The following MAP2K5 variants were observed in gnomAD, a reference collection of about 807,000 sequenced individuals.
MAP2K5 encodes dual specificity mitogen-activated protein kinase kinase 5.
Under a neutral mutation model 83.1 loss-of-function variants are expected in MAP2K5, and 49 were observed. That is an observed-to-expected ratio of 0.59 (90% CI 0.47 to 0.75). The LOEUF (loss-of-function observed/expected upper bound fraction) is 0.75. Among genes scored for constraint, MAP2K5 ranks in the 30% least tolerant of loss-of-function variants. The pLI is 0.00. For missense variants in MAP2K5, 457 were observed against 557.5 expected (o/e 0.82, Z 1.82); for synonymous variants, 202 against 191.8 (o/e 1.05, Z -0.44).
At chr15:67,664,513 A>G in intron 12 of MAP2K5, 84 bp from the exon 13 acceptor site, 2 of 897,366 alleles carry the variant, frequency 2.2e-6, no homozygotes, top group Non-Finnish European at 3.5e-6. Flanking sequence ...AAAAAAAAAA[A>G]AATGTTGAAT....
At chr15:67,594,241 G>A in intron 7 of MAP2K5, among the ~76,000 whole-genome samples, 1 of 152,100 alleles carries the variant, frequency 6.6e-6, no homozygotes, top group East Asian at 1.9e-4. Context: ...GCAGCCAAAG[G>A]TTTGTTTAGA....
chr15:67,696,149 CACA>C (rs2088250494), intron 15 of MAP2K5, among the ~76,000 whole-genome samples: 1 of 143,856 alleles, frequency 7.0e-6, no homozygotes, highest in Admixed American at 7.0e-5. Flanking sequence ...TTTTTTTAAC[CACA>C]ACTAGTTCTC....
rs3784717 is a variant in MAP2K5, at chr15:67,805,320, C to G, written c.1243-1326C>G. ...TGAGGCGGCCTGAGCATTCTCCTGT[C>G]CCCCACAGTTCTGACCTGTGGTCCA... On this transcript the variant is annotated intron_variant, in intron 21 of 21. Coordinates refer to ENST00000178640, the MANE Select transcript of MAP2K5 (RefSeq NM_145160.3). Among the ~76,000 whole-genome samples the G allele has an allele frequency of 7.8e-3, 1,193 of 152,320 alleles. 40 individuals carry two copies. Among genetic ancestry groups the G allele is most frequent in the Admixed American group, 0.061 (933 of 15,312 alleles).
At position 67,746,384 on chromosome 15, in the gene MAP2K5, C is replaced by T. The variant is rs1225975636; in HGVS notation, c.1075-1847C>T. Reference sequence around the variant, plus strand: ...TGGATTTCTGATTCTTTATTCATTACAAATAACTCCGTTGTTGAAGCAGAT... The same window carrying T: ...TGGATTTCTGATTCTTTATTCATTATAAATAACTCCGTTGTTGAAGCAGAT... On this transcript the variant is annotated intron_variant, in intron 17 of 21. Transcript: ENST00000178640. The surrounding 1 kb of genome is among the most constrained non-coding windows in gnomAD (Gnocchi z 4.1). 2.0e-5 allele frequency among the ~76,000 whole-genome samples: 3 copies of T among 151,714 alleles called. No homozygotes were observed. The highest frequency in any genetic ancestry group is 3.4e-3 in the Middle Eastern group (1 of 294).
chr15:67,644,081 T>C lies in MAP2K5; in HGVS notation c.586-2150T>C, dbSNP rs2086777706. Among the ~76,000 whole-genome samples, 1 of 152,196 alleles carries C rather than the reference T, an allele frequency of 6.6e-6. No homozygotes were observed. The highest frequency in any genetic ancestry group is 2.1e-4 in the South Asian group (1 of 4,838). On this transcript the variant is annotated intron_variant, in intron 9 of 21. Transcript: ENST00000178640. The surrounding 1 kb of genome is among the most constrained non-coding windows in gnomAD (Gnocchi z 4.6). ...AAAAATTGTTTTCCACCTATTCTATTCTCATCACTGCCTTTTAAAAGTAAA... is the reference window on the plus strand; with the variant it reads ...AAAAATTGTTTTCCACCTATTCTATCCTCATCACTGCCTTTTAAAAGTAAA...
chr15:67,555,011 T>C lies in MAP2K5; in HGVS notation c.184+4929T>C, dbSNP rs981780888. ...CCTGAGGAGCTGTATTCTTTCTGAT[T>C]TCTTTTTCTGGGTGTGGTGTTTCCA... On this transcript the variant is annotated intron_variant, in intron 2 of 21. Transcript: ENST00000178640. This position sits in a 1 kb window ranked among gnomAD's most constrained non-coding sequence, Gnocchi z 5.2. Among the ~76,000 whole-genome samples the C allele has an allele frequency of 6.6e-6, 1 of 152,150 alleles. No homozygotes were observed. The highest frequency in any genetic ancestry group is 2.1e-4 in the South Asian group (1 of 4,814).
chr15:67,718,926 TTA>T (rs2088891739), intron 16 of MAP2K5, among the ~76,000 whole-genome samples: 2 of 152,202 alleles, frequency 1.3e-5, no homozygotes, highest in Non-Finnish European at 2.9e-5. Context: ...AATTATACTT[TTA>T]GTTATTTTTA....
At chr15:67,800,181 C>T (rs2090677878) in intron 21 of MAP2K5, among the ~76,000 whole-genome samples, 1 of 152,224 alleles carries the variant, frequency 6.6e-6, no homozygotes, top group Non-Finnish European at 1.5e-5. Context: ...TGCATCCTCC[C>T]ATAAATTATT....
intron 12 of MAP2K5, among the ~76,000 whole-genome samples, chr15:67,661,736 A>G (rs968810995): frequency 1.3e-5 from 2 of 152,092 alleles, no homozygotes; most frequent in African/African-American, 4.8e-5. Context: ...TTCATTTTGT[A>G]TGGAACCAAT....
chr15:67,599,685 A>ATTTT (rs10665135), intron 7 of MAP2K5, among the ~76,000 whole-genome samples: 2,159 of 148,344 alleles, frequency 0.015, 18 homozygotes, highest in Non-Finnish European at 0.02. Context: ...CTGGAAATTG[A>ATTTT]TTTTTTTTTT....
At position 67,749,737 on chromosome 15, in the gene MAP2K5, T is replaced by C. The variant is rs948770341; in HGVS notation, c.1134+1136T>C. 2.6e-5 allele frequency among the ~76,000 whole-genome samples: 4 copies of C among 152,202 alleles called. No individual in the cohort carries two copies. Among genetic ancestry groups the C allele is most frequent in the Non-Finnish European group, 5.9e-5 (4 of 68,036 alleles). ...TGAAACAAATGGAGGCTCCATTATC[T>C]CAAATATCAGACAGACCTCCTGGAT... On this transcript the variant is annotated intron_variant, in intron 19 of 21. Transcript: ENST00000178640. This position sits in a 1 kb window ranked among gnomAD's most constrained non-coding sequence, Gnocchi z 4.6.
rs2090277517 is a variant in MAP2K5, at chr15:67,778,674, A to G, written c.1242+5922A>G. 6.6e-6 allele frequency among the ~76,000 whole-genome samples: 1 copy of G among 152,176 alleles called. No homozygotes were observed. Among genetic ancestry groups the G allele is most frequent in the African/African-American group, 2.4e-5 (1 of 41,448 alleles). ...AGGGTGATCCTTTGCGGTTAGCAGA[A>G]GGGTAGGGGGATTTCTTACCTGTTA... On this transcript the variant is annotated intron_variant, in intron 21 of 21. Transcript: ENST00000178640. This position sits in a 1 kb window ranked among gnomAD's most constrained non-coding sequence, Gnocchi z 5.0.
chr15:67,721,014 G>C (rs150694477), intron 16 of MAP2K5, among the ~76,000 whole-genome samples: 185 of 152,304 alleles, frequency 1.2e-3, no homozygotes, highest in African/African-American at 4.1e-3. Flanking sequence ...GCAATTAAAG[G>C]AACAGCATTA....
rs186492825 is a variant in MAP2K5 at position 67,756,029 on chromosome 15, T to C, written c.1134+7428T>C. On this transcript the variant is annotated intron_variant, in intron 19 of 21. Coordinates refer to ENST00000178640, the MANE Select transcript of MAP2K5 (RefSeq NM_145160.3). Reference sequence around the variant, plus strand: ...CCCCATTTTTCAGCTACAAACCTAATGGAGAAAGCCAGCATCTCTCCCCCA... The same window carrying C: ...CCCCATTTTTCAGCTACAAACCTAACGGAGAAAGCCAGCATCTCTCCCCCA... 3.1e-3 allele frequency among the ~76,000 whole-genome samples: 478 copies of C among 152,290 alleles called. 1 individual carries two copies. The highest frequency in any genetic ancestry group is 7.7e-3 in the Admixed American group (118 of 15,294).
intron 6 of MAP2K5, among the ~76,000 whole-genome samples, chr15:67,590,300 A>G (rs1446399682): frequency 6.6e-6 from 1 of 152,160 alleles, no homozygotes; most frequent in Admixed American, 6.5e-5. Context: ...GATTCTCTCA[A>G]ATGTAACCTA....
intron 11 of MAP2K5, among the ~76,000 whole-genome samples, chr15:67,649,646 GTACT>G (rs1488376216): frequency 6.6e-6 from 1 of 152,004 alleles, no homozygotes; most frequent in Non-Finnish European, 1.5e-5. Context: ...ATATATTTCT[GTACT>G]TTCAGATCAA....
Position 67,755,548 on chromosome 15 carries a change from G to A in MAP2K5, c.1134+6947G>A, listed in dbSNP as rs1293996707. Among the ~76,000 whole-genome samples, 5 of 152,158 alleles carry A rather than the reference G, an allele frequency of 3.3e-5. No homozygotes were observed. Among genetic ancestry groups the A allele is most frequent in the African/African-American group, 1.2e-4 (5 of 41,442 alleles). On this transcript the variant is annotated intron_variant, in intron 19 of 21. Transcript: ENST00000178640. The surrounding 1 kb of genome is among the most constrained non-coding windows in gnomAD (Gnocchi z 4.7). ...CTGGTCATCTTCACTAGCATTTCTA[G>A]AAAGCATCAGGGGAGCCATGTCCAA...
Position 67,746,071 on chromosome 15 carries a change from G to A in MAP2K5, c.1075-2160G>A, listed in dbSNP as rs1045520387. Among the ~76,000 whole-genome samples, 3 of 152,134 alleles carry A rather than the reference G, an allele frequency of 2.0e-5. No individual in the cohort carries two copies. Among genetic ancestry groups the A allele is most frequent in the South Asian group, 4.1e-4 (2 of 4,828 alleles). ...CTGTTTTTCTCTTTCTTTTAATGAA[G>A]AGCAAGCATAAATAGTACAGTTTTA... On this transcript the variant is annotated intron_variant, in intron 17 of 21. Coordinates refer to ENST00000178640, the MANE Select transcript of MAP2K5 (RefSeq NM_145160.3). The surrounding 1 kb of genome is among the most constrained non-coding windows in gnomAD (Gnocchi z 4.1).
intron 21 of MAP2K5, among the ~76,000 whole-genome samples, chr15:67,805,625 C>A (rs533840839): frequency 6.6e-6 from 1 of 152,128 alleles, no homozygotes; most frequent in East Asian, 1.9e-4. Context: ...AGGAAGCGGC[C>A]GCTGGACAGG....
Sources: allele counts gnomAD v4.1 joint callset (sites outside exome capture counted in the v4.1 genomes callset), GRCh38; gene constraint gnomAD v4.1.1; non-coding constraint Gnocchi (gnomAD v3.1); transcripts MANE v1.5; gene names NCBI Gene and HGNC (gene_info 2026-07-23, HGNC 2026-07-21).